The following CCT8 variants were observed in gnomAD, a reference collection of about 807,000 sequenced individuals.
CCT8 encodes chaperonin containing TCP1 subunit 8.
A neutral mutation model predicts 65.7 loss-of-function variants in CCT8; 10 were observed. The observed-to-expected ratio is 0.15, with a 90% CI of 0.09 to 0.26. CCT8 has a LOEUF of 0.26. Among genes scored for constraint, CCT8 ranks in the 10% least tolerant of loss-of-function variants. The probability of loss-of-function intolerance (pLI) is 1.00; values close to 1 mark genes in which losing one functional copy is unlikely to be tolerated. For missense variants in CCT8, 568 were observed against 669.1 expected (o/e 0.85, Z 1.67); for synonymous variants, 199 against 221.8 (o/e 0.90, Z 0.92).
chr21:29,065,278 G>A (rs567474269), intron 6 of CCT8, among the ~76,000 whole-genome samples, 173 bp from the exon 7 acceptor site: 97 of 152,298 alleles, frequency 6.4e-4, no homozygotes, highest in African/African-American at 2.1e-3. Flanking sequence ...CCTTCTGCTC[G>A]AGGCAGAAAT....
rs765864738 is a variant in CCT8, at chr21:29,066,870, C to T, written c.562+21G>A. 5 of 1,591,078 alleles carry T rather than the reference C, an allele frequency of 3.1e-6. No individual in the cohort carries two copies. The East Asian group carries it at 1.1e-4, about 36-fold the overall frequency. On this transcript the variant is annotated intron_variant, in intron 5 of 14. Transcript: ENST00000286788. ...AAGGTATTTTTATTTTGGATCTTTTCATTTACTGATATTTACTTACCGCAT... is the reference window on the plus strand; with the variant it reads ...AAGGTATTTTTATTTTGGATCTTTTTATTTACTGATATTTACTTACCGCAT...
At position 29,070,230 on chromosome 21, in the gene CCT8, A is replaced by G. The variant is rs965909437; in HGVS notation, c.151+17T>C. On this transcript the variant is annotated intron_variant, in intron 2 of 14. Transcript: ENST00000286788. Reference sequence around the variant, plus strand: ...ATTCTACTACTGTATCTTTACAAATATTAATTTAGAAATTACCATTTGGTC... The same window carrying G: ...ATTCTACTACTGTATCTTTACAAATGTTAATTTAGAAATTACCATTTGGTC... 5.4e-6 allele frequency: 8 copies of G among 1,485,848 alleles called. No homozygotes were observed. The African/African-American group carries it at 9.7e-5, about 18-fold the overall frequency. 92.0% of individuals were successfully genotyped at this position (1,485,848 alleles called of 1,614,324 possible). A position where few individuals can be genotyped will look rare whatever the true frequency, so the allele number is the denominator to read the frequency against.
chr21:29,069,626 A>C (rs376043258), intron 2 of CCT8, 124 bp from the exon 3 acceptor site: 8 of 549,650 alleles, frequency 1.5e-5, no homozygotes, highest in African/African-American at 9.9e-5. Flanking sequence ...CTTTGCAAGA[A>C]AACACATACT....
chr21:29,056,373 A>G lies in CCT8; in HGVS notation c.*102T>C, dbSNP rs1601083999. 1.7e-6 allele frequency: 1 copy of G among 581,466 alleles called. No homozygotes were observed. The highest frequency in any genetic ancestry group is 1.9e-5 in the African/African-American group (1 of 52,484). The allele number at this position is 581,466 out of a possible 1,614,324, so 36.0% of individuals were successfully genotyped here. On this transcript the variant is annotated 3_prime_UTR_variant, in exon 15 of 15. Transcript: ENST00000286788. ...TTATAACATCCAGCCAAGAATACAA[A>G]CACAAAATAACTCTTAATTTAAGGA... is the stretch of plus-strand genomic sequence containing the variant.
intron 2 of CCT8, 22 bp from the exon 3 acceptor site, chr21:29,069,524 AAG>A: frequency 7.2e-7 from 1 of 1,390,466 alleles, no homozygotes; most frequent in African/African-American, 1.5e-5. Flanking sequence ...CAGTTAAAAA[AAG>A]AAAAAGAAAG....
intron 14 of CCT8, among the ~76,000 whole-genome samples, chr21:29,058,486 T>C (rs2085528579): frequency 1.3e-5 from 2 of 152,042 alleles, no homozygotes; most frequent in South Asian, 2.1e-4. Context: ...TCCCAAACTT[T>C]AGTGGGCACC....
At chr21:29,070,190 G>T in intron 2 of CCT8, 57 bp downstream of exon 2, 1 of 1,035,538 alleles carries the variant, frequency 9.7e-7, no homozygotes, top group South Asian at 1.5e-5. Context: ...TCTGAAAGAA[G>T]ACGTAGTACA....
At position 29,062,412 on chromosome 21, in the gene CCT8, G is replaced by A. The variant is rs756885428; in HGVS notation, c.1012C>T (p.Pro338Ser). The A allele has an allele frequency of 1.2e-6, 2 of 1,613,054 alleles. No homozygotes were observed. Among genetic ancestry groups the A allele is most frequent in the East Asian group, 4.5e-5 (2 of 44,868 alleles). The change falls in exon 10 of 15, where the codon CCT becomes TCT. Residue 338 changes from proline to serine, a missense_variant. Physicochemically the swap from Pro to Ser is moderately conservative, Grantham distance 74. Coordinates refer to ENST00000286788, the MANE Select transcript of CCT8 (RefSeq NM_006585.4). ...TGTCCCATTTCTTCAAGGACAGGAG[G>A]TGTCTGTAAGAAAGTGACTGTTGTA... ...VGATALPRLT[P>S]PVLEEMGHCD...
rs1383131908 is a variant in CCT8 at position 29,066,900 on chromosome 21, G to C, written c.553C>G (p.Gln185Glu). Residue 185 changes from glutamine (Q) to glutamate (E), a missense_variant, in exon 5 of 15, where the codon CAG becomes GAG. By Grantham distance (29) the Gln-to-Glu change is conservative (BLOSUM62 2). Transcript: ENST00000286788. ...ACTGATATTTACTTACCGCATGCCT[G>C]AGCAATAAGCTTGGCCAGAAATACT... ...NEVFLAKLIA[Q>E]ACVSIFPDSG... 45 of 1,604,674 alleles carry C rather than the reference G, an allele frequency of 2.8e-5. No individual in the cohort carries two copies. The highest frequency in any genetic ancestry group is 3.7e-5 in the Non-Finnish European group (44 of 1,173,598).
chr21:29,061,105 C>T (rs2085558098), intron 13 of CCT8, 148 bp downstream of exon 13: 1 of 667,636 alleles, frequency 1.5e-6, no homozygotes, highest in Non-Finnish European at 2.5e-6. Flanking sequence ...AACGTTCCTC[C>T]ATCAGACAAC....
intron 14 of CCT8, among the ~76,000 whole-genome samples, chr21:29,057,684 CAT>C (rs895828764): frequency 4.1e-4 from 60 of 145,614 alleles, no homozygotes; most frequent in African/African-American, 1.4e-3. Flanking sequence ...ATATACGATA[CAT>C]ATATCATACA....
In CCT8 at chr21:29,060,380, A is replaced by G. The variant is rs2085549468; in HGVS notation, c.1569+161T>C. 2.0e-5 allele frequency among the ~76,000 whole-genome samples: 3 copies of G among 152,198 alleles called. No homozygotes were observed. In the South Asian group the frequency reaches 6.2e-4, roughly 31 times the overall value. On this transcript the variant is annotated intron_variant, in intron 14 of 14. Transcript: ENST00000286788. ...AAGTTATATATTCAATACAATTTAT[A>G]ATAGAAGAAAAAAATTGGAGGGGGG...
At chr21:29,072,460 A>G (rs1300319070) in intron 1 of CCT8, among the ~76,000 whole-genome samples, 1 of 152,160 alleles carries the variant, frequency 6.6e-6, no homozygotes, top group Non-Finnish European at 1.5e-5. Context: ...TGTATTAGTG[A>G]AAAAAACCCA....
chr21:29,063,219 A>G (rs2146428838), intron 8 of CCT8, 133 bp downstream of exon 8: 1 of 666,090 alleles, frequency 1.5e-6, no homozygotes, highest in Non-Finnish European at 2.5e-6. Flanking sequence ...CCCAAACTAA[A>G]TCCTTCTGCT....
In CCT8 at chr21:29,073,636, G is replaced by T; in HGVS notation, c.-46C>A. 1.3e-6 allele frequency: 2 copies of T among 1,582,598 alleles called. No homozygotes were observed. Among genetic ancestry groups the T allele is most frequent in the East Asian group, 2.2e-5 (1 of 44,754 alleles). ...TTCACGCGACCGCTCGGAAGACCGC[G>T]GAGGAAGCGAGGAGCACGCACAGCC... On this transcript the variant is annotated 5_prime_UTR_variant, in exon 1 of 15. Transcript: ENST00000286788.
chr21:29,060,666 A>G lies in CCT8; in HGVS notation c.1450-6T>C, dbSNP rs770450459. On this transcript the variant is annotated splice_region_variant and splice_polypyrimidine_tract_variant and intron_variant, in intron 13 of 14. Transcript: ENST00000286788. The stretch of plus-strand genomic sequence containing the variant: ...TTTACAGCAGGGACTTCAGCCTGTC[A>G]AACACAATTTTCATCCTTTCATTTA... 3.1e-6 allele frequency: 5 copies of G among 1,610,674 alleles called. No homozygotes were observed.
intron 11 of CCT8, 91 bp downstream of exon 11, chr21:29,062,037 T>G: frequency 1.2e-6 from 1 of 838,842 alleles, no homozygotes; most frequent in South Asian, 1.5e-5. Context: ...TCTGAAGTTC[T>G]CATGATGTGC....
intron 1 of CCT8, among the ~76,000 whole-genome samples, chr21:29,072,719 CAG>C (rs1468764207): frequency 2.6e-5 from 4 of 152,284 alleles, no homozygotes; most frequent in African/African-American, 7.2e-5. Context: ...GGAGGACACA[CAG>C]AGGAATGCAA....
chr21:29,056,340 T>C lies in CCT8; in HGVS notation c.*135A>G, dbSNP rs1245622266. On this transcript the variant is annotated 3_prime_UTR_variant, in exon 15 of 15. Transcript: ENST00000286788. ...GACAATAAGGCTTTGACAGTAACAA[T>C]ATGTTTATTATAACATCCAGCCAAG... The C allele has an allele frequency of 2.1e-6, 1 of 471,696 alleles. No individual in the cohort carries two copies. Among genetic ancestry groups the C allele is most frequent in the African/African-American group, 2.0e-5 (1 of 50,318 alleles). 29.2% of individuals were successfully genotyped at this position (471,696 alleles called of 1,614,324 possible).
Sources: allele counts gnomAD v4.1 joint callset (sites outside exome capture counted in the v4.1 genomes callset), GRCh38; gene constraint gnomAD v4.1.1; transcripts MANE v1.5; gene names NCBI Gene and HGNC (gene_info 2026-07-23, HGNC 2026-07-21).